Variants in ZBTB46 observed in about 807,000 individuals in gnomAD.
The protein encoded by ZBTB46 is zinc finger and BTB domain containing 46.
Under a neutral mutation model 44.1 loss-of-function variants are expected in ZBTB46, and 8 were observed. The observed-to-expected ratio is 0.18, with a 90% CI of 0.11 to 0.33. The LOEUF is 0.33. Among genes scored for constraint, ZBTB46 ranks in the 10% least tolerant of loss-of-function variants. ZBTB46 has a pLI of 1.00. For missense variants in ZBTB46, 651 were observed against 847.7 expected (o/e 0.77, Z 2.88); for synonymous variants, 409 against 382.3 (o/e 1.07, Z -0.81).
intron 1 of ZBTB46, among the ~76,000 whole-genome samples, chr20:63,818,390 AG>A (rs2092772181): frequency 6.6e-6 from 1 of 152,142 alleles, no homozygotes; most frequent in African/African-American, 2.4e-5. Context: ...GGTCTTCGTG[AG>A]GAGGAGAGCA....
At chr20:63,822,319 G>C (rs527750382) in intron 1 of ZBTB46, among the ~76,000 whole-genome samples, 3 of 152,190 alleles carry the variant, frequency 2.0e-5, no homozygotes, top group Non-Finnish European at 4.4e-5. Flanking sequence ...TCACCCACCA[G>C]CACACCCATG....
chr20:63,791,492 T>A (rs1448681949), intron 1 of ZBTB46, among the ~76,000 whole-genome samples: 163 of 82,564 alleles, frequency 2.0e-3, no homozygotes, highest in African/African-American at 7.6e-3. Context: ...CGAGACTCCA[T>A]CTCAAAAAAA....
chr20:63,768,242 T>A (rs2092337132), intron 3 of ZBTB46: 1 of 622,744 alleles, frequency 1.6e-6, no homozygotes, highest in Admixed American at 6.3e-5. Context: ...CGTGTGGGAA[T>A]AGCAATTAAT....
At chr20:63,748,906 G>A (rs572760976) in intron 4 of ZBTB46, among the ~76,000 whole-genome samples, 3 of 152,322 alleles carry the variant, frequency 2.0e-5, no homozygotes, top group African/African-American at 7.2e-5. Flanking sequence ...TGCTACACTT[G>A]CAAAGACCTC....
chr20:63,763,957 TTC>T (rs1399272986), intron 3 of ZBTB46, among the ~76,000 whole-genome samples: 1 of 152,114 alleles, frequency 6.6e-6, no homozygotes, highest in Non-Finnish European at 1.5e-5. Flanking sequence ...ATCTGGTGCT[TTC>T]TTTTTTCTTT....
chr20:63,773,179 G>A (rs531608004), intron 3 of ZBTB46, among the ~76,000 whole-genome samples: 28 of 150,144 alleles, frequency 1.9e-4, no homozygotes, highest in African/African-American at 6.9e-4. Flanking sequence ...GCTGTCAGAC[G>A]CAGAAACAGT....
At chr20:63,769,499 G>A (rs984056161) in intron 3 of ZBTB46, 2 of 949,376 alleles carry the variant, frequency 2.1e-6, no homozygotes, top group Middle Eastern at 5.4e-4. Flanking sequence ...GCCCGGTGAT[G>A]CCCCAAGGGT....
In ZBTB46 at chr20:63,752,860, C is replaced by T; in HGVS notation, c.1224G>A (p.Leu408=). The T allele has an allele frequency of 2.5e-6, 4 of 1,599,188 alleles. No homozygotes were observed. The highest frequency in any genetic ancestry group is 3.4e-6 in the Non-Finnish European group (4 of 1,169,268). ...TCTTCCTGATCACCGTGAACTCATT[C>T]ACTGAAAGAGAGGGACCCGCGAGGC... The part of the protein sequence containing the change: ...YLPRGAHSLS[L]NEFTVIRKKF... Residue 408 remains leucine, a splice_region_variant and synonymous_variant, in exon 4 of 5, where the codon CTG becomes CTA. Transcript: ENST00000245663. The surrounding 1 kb of genome is among the most constrained non-coding windows in gnomAD (Gnocchi z 5.6).
chr20:63,815,465 C>G (rs1486288606), intron 1 of ZBTB46, among the ~76,000 whole-genome samples: 14 of 137,032 alleles, frequency 1.0e-4, no homozygotes, highest in African/African-American at 4.0e-4. Flanking sequence ...GCAGTGGGTA[C>G]AGGTGGGCAT....
rs750696863 is a variant in ZBTB46, at chr20:63,790,214, C to T, written c.544G>A (p.Gly182Arg). 35 of 1,612,558 alleles carry T rather than the reference C, an allele frequency of 2.2e-5. No homozygotes were observed. Among genetic ancestry groups the T allele is most frequent in the Non-Finnish European group, 2.5e-5 (30 of 1,179,524 alleles). The change falls in exon 2 of 5, where the codon GGA becomes AGA. Residue 182 changes from glycine (G) to arginine (R), a missense_variant. Coordinates refer to ENST00000245663, the MANE Select transcript of ZBTB46 (RefSeq NM_001369741.1). ...TGACAGCTGGCGATGGCCGAGTCTC[C>T]GGAAGAATTGGCAGGACTCGTTCGC... Reference protein sequence around the residue: ...ARRTSPANSSGDSAIASCHDG... With the variant: ...ARRTSPANSSRDSAIASCHDG...
chr20:63,746,609 T>C lies in ZBTB46; in HGVS notation c.*321A>G. 1 of 325,770 alleles carries C rather than the reference T, an allele frequency of 3.1e-6. No homozygotes were observed. 20.2% of individuals were successfully genotyped at this position (325,770 alleles called of 1,614,324 possible). On this transcript the variant is annotated 3_prime_UTR_variant, in exon 5 of 5. Coordinates refer to ENST00000245663, the MANE Select transcript of ZBTB46 (RefSeq NM_001369741.1). ...GACCCGGCCACAGGCCCATCACGTG[T>C]CCAAGCCAGGCTGGCCATCACAGGG...
chr20:63,831,397 A>G (rs934663770), upstream of ZBTB46, among the ~76,000 whole-genome samples: 4 of 134,660 alleles, frequency 3.0e-5, no homozygotes, highest in Non-Finnish European at 1.6e-5. Flanking sequence ...GGCCGCGGCC[A>G]CCGCCCCGGG....
intron 3 of ZBTB46, among the ~76,000 whole-genome samples, chr20:63,756,600 CG>C: frequency 6.6e-6 from 1 of 152,374 alleles, no homozygotes; most frequent in South Asian, 2.1e-4. Context: ...AGTGCAAATA[CG>C]TATACAGCTC....
rs1568829753 is a variant in ZBTB46, at chr20:63,752,866, AAGAG to A, written c.1223-9_1223-6del. On this transcript the variant is annotated splice_region_variant and splice_polypyrimidine_tract_variant and intron_variant, in intron 3 of 4. Transcript: ENST00000245663. The surrounding 1 kb of genome is among the most constrained non-coding windows in gnomAD (Gnocchi z 5.6). ...TGATCACCGTGAACTCATTCACTGAAAGAGAGGGACCCGCGAGGCGTCAGCAGGG... is the reference window on the plus strand; with the variant it reads ...TGATCACCGTGAACTCATTCACTGAAAGGGACCCGCGAGGCGTCAGCAGGG... 3.8e-6 allele frequency: 6 copies of A among 1,593,736 alleles called. No individual in the cohort carries two copies. Among genetic ancestry groups the A allele is most frequent in the Non-Finnish European group, 5.2e-6 (6 of 1,165,040 alleles).
rs3068855 is a variant in ZBTB46 at position 63,817,715 on chromosome 20, C to CAAA, written c.-34+13379_-34+13381dup. On this transcript the variant is annotated intron_variant, in intron 1 of 4. Coordinates refer to ENST00000245663, the MANE Select transcript of ZBTB46 (RefSeq NM_001369741.1). ...TGGGCAGCAGAGTGAGACTCTGTCT[C>CAAA]AAAAAAAAAAAAAAAAGGAAGAAGA... Among the ~76,000 whole-genome samples, 37 of 78,778 alleles carry CAAA rather than the reference C, an allele frequency of 4.7e-4. 1 individual carries two copies. The highest frequency in any genetic ancestry group is 3.4e-3 in the South Asian group (8 of 2,360). 51.7% of individuals were successfully genotyped at this position (78,778 alleles called of 152,430 possible). A position where few individuals can be genotyped will look rare whatever the true frequency, so the allele number is the denominator to read the frequency against.
At chr20:63,753,589 T>G (rs1185551514) in intron 3 of ZBTB46, among the ~76,000 whole-genome samples, 1 of 152,214 alleles carries the variant, frequency 6.6e-6, no homozygotes, top group Non-Finnish European at 1.5e-5. Context: ...CATGGGCCAC[T>G]GAGAGAGCCC....
At chr20:63,817,631 G>A (rs550083898) in intron 1 of ZBTB46, among the ~76,000 whole-genome samples, 246 of 149,210 alleles carry the variant, frequency 1.6e-3, no homozygotes, top group African/African-American at 5.9e-3. Context: ...CAGGAGAATC[G>A]CTTAAACCTG....
rs749837616 is a variant in ZBTB46 at position 63,803,532 on chromosome 20, C to T, written c.-33-12742G>A. Reference sequence around the variant, plus strand: ...GCCCCCATGTGGCCATCTGAAGATGCAAAGCCATGTCTGCCGGCCCCGGGC... The same window carrying T: ...GCCCCCATGTGGCCATCTGAAGATGTAAAGCCATGTCTGCCGGCCCCGGGC... On this transcript the variant is annotated intron_variant, in intron 1 of 4. Coordinates refer to ENST00000245663, the MANE Select transcript of ZBTB46 (RefSeq NM_001369741.1). This position sits in a 1 kb window ranked among gnomAD's most constrained non-coding sequence, Gnocchi z 4.0. The T allele has an allele frequency of 2.0e-6, 2 of 984,636 alleles. No individual in the cohort carries two copies. Among genetic ancestry groups the T allele is most frequent in the Non-Finnish European group, 2.4e-6 (2 of 829,746 alleles). The allele number at this position is 984,636 out of a possible 1,614,324, so 61.0% of individuals were successfully genotyped here. A position where few individuals can be genotyped will look rare whatever the true frequency, so the allele number is the denominator to read the frequency against.
At chr20:63,776,783 G>A (rs1309710075) in intron 2 of ZBTB46, among the ~76,000 whole-genome samples, 1 of 144,736 alleles carries the variant, frequency 6.9e-6, no homozygotes, top group East Asian at 2.0e-4. Flanking sequence ...TAGCCTGGGC[G>A]ACAGAACAAC....
Sources: gnomAD v4.1 joint callset for allele counts (sites outside exome capture counted in the v4.1 genomes callset) on GRCh38, gnomAD v4.1.1 for gene constraint, Gnocchi (gnomAD v3.1) non-coding constraint, MANE v1.5 for transcripts, NCBI Gene and HGNC (gene_info 2026-07-23, HGNC 2026-07-21) for gene names.